Variants in ZNRF3 observed in about 807,000 individuals in gnomAD.
ZNRF3 encodes E3 ubiquitin-protein ligase ZNRF3.
In ZNRF3, 23 loss-of-function variants were observed where a neutral mutation model predicts 72.5. The observed-to-expected ratio is 0.32, with a 90% CI of 0.23 to 0.45. The LOEUF (loss-of-function observed/expected upper bound fraction) is 0.45. ZNRF3 is among the 20% of genes least tolerant of loss of function. ZNRF3 has a pLI of 1.00. For synonymous variants in ZNRF3, 610 were observed against 545.3 expected (o/e 1.12, Z -1.65); for missense variants, 1,169 against 1,272.1 (o/e 0.92, Z 1.23).
At chr22:28,949,940 T>A (rs2035127546) in intron 1 of ZNRF3, among the ~76,000 whole-genome samples, 1 of 141,116 alleles carries the variant, frequency 7.1e-6, no homozygotes, top group Non-Finnish European at 1.5e-5. Flanking sequence ...TTATGCGTAT[T>A]TAACCATTTC....
chr22:29,031,814 C>G (rs2036764541), intron 2 of ZNRF3, among the ~76,000 whole-genome samples: 1 of 152,196 alleles, frequency 6.6e-6, no homozygotes, highest in Non-Finnish European at 1.5e-5. Flanking sequence ...CCCTCCCTGA[C>G]CACAGGAGCA....
rs773296494 is a variant in ZNRF3, at chr22:29,001,059, C to CTTTT, written c.426+13882_426+13885dup. Among the ~76,000 whole-genome samples the CTTTT allele has an allele frequency of 8.3e-4, 65 of 77,898 alleles. 8 individuals are homozygous for CTTTT. Among genetic ancestry groups the CTTTT allele is most frequent in the Non-Finnish European group, 1.1e-3 (43 of 38,936 alleles). The allele number at this position is 77,898 out of a possible 152,430, so 51.1% of individuals were successfully genotyped here. On this transcript the variant is annotated intron_variant, in intron 2 of 8. Coordinates refer to ENST00000544604, the MANE Select transcript of ZNRF3 (RefSeq NM_001206998.2). ...CTGCCTTGGCCTCCCAAAGCTTTGC[C>CTTTT]TTTTTTTTTTTTTTTTTTTTTTTTT... is the stretch of plus-strand genomic sequence containing the variant.
chr22:28,885,203 C>T (rs545436851), intron 1 of ZNRF3, among the ~76,000 whole-genome samples: 2 of 152,192 alleles, frequency 1.3e-5, no homozygotes, highest in Non-Finnish European at 2.9e-5. Context: ...CCTTTTCCTT[C>T]CTTGGGTGCA....
intron 1 of ZNRF3, among the ~76,000 whole-genome samples, chr22:28,971,562 G>T (rs993552775): frequency 2.0e-5 from 3 of 152,302 alleles, no homozygotes; most frequent in Admixed American, 2.0e-4. Context: ...GATGTAAGAC[G>T]TGTGTTTATT....
chr22:29,052,902 G>A (rs1226225991), intron 8 of ZNRF3, among the ~76,000 whole-genome samples: 1 of 152,140 alleles, frequency 6.6e-6, no homozygotes. Context: ...GAGCCCAAGA[G>A]ATTGAGGCTG....
intron 1 of ZNRF3, among the ~76,000 whole-genome samples, chr22:28,912,354 T>C (rs2123761627): frequency 1.3e-5 from 2 of 152,328 alleles, no homozygotes; most frequent in East Asian, 3.9e-4. Context: ...CTTCTCATAG[T>C]ATCAGCTCCT....
At chr22:28,900,609 A>G (rs2034083858) in intron 1 of ZNRF3, among the ~76,000 whole-genome samples, 1 of 152,200 alleles carries the variant, frequency 6.6e-6, no homozygotes, top group South Asian at 2.1e-4. Context: ...GTCCAGGTTC[A>G]ACAGCTCAGG....
chr22:28,935,490 G>A (rs1045899622), intron 1 of ZNRF3, among the ~76,000 whole-genome samples: 3 of 152,102 alleles, frequency 2.0e-5, no homozygotes, highest in Admixed American at 6.5e-5. Context: ...CTCTCATTCC[G>A]GGTTCTTTGC....
At position 28,884,032 on chromosome 22, in the gene ZNRF3, G is replaced by A; in HGVS notation, c.266G>A (p.Gly89Glu). 7.7e-7 allele frequency: 1 copy of A among 1,303,768 alleles called. No homozygotes were observed. Among genetic ancestry groups the A allele is most frequent in the Non-Finnish European group, 9.9e-7 (1 of 1,007,648 alleles). 80.8% of individuals were successfully genotyped at this position (1,303,768 alleles called of 1,614,324 possible). The part of the protein sequence containing the change: ...TGLTGRFSRA[G>E]ATLSAEGEIV... ...CTCACGGGCCGCTTCTCGCGGGCCG[G>A]GGCCACGCTCAGCGCCGAGGGCGAG... The change falls in exon 1 of 9, where the codon GGG (glycine) becomes GAG (glutamate). Residue 89 changes from glycine (G) to glutamate (E), a missense_variant. Transcript: ENST00000544604.
At chr22:28,948,375 A>G (rs1043947387) in intron 1 of ZNRF3, among the ~76,000 whole-genome samples, 1 of 149,140 alleles carries the variant, frequency 6.7e-6, no homozygotes. Flanking sequence ...TTTGCTGCCT[A>G]GGGTGGTCTC....
chr22:28,904,441 C>T (rs776355162), intron 1 of ZNRF3, among the ~76,000 whole-genome samples: 3 of 152,338 alleles, frequency 2.0e-5, no homozygotes, highest in Non-Finnish European at 4.4e-5. Context: ...GGAGCTGAGC[C>T]TTCGCTCCTC....
intron 8 of ZNRF3, among the ~76,000 whole-genome samples, chr22:29,053,126 C>T (rs1290878434): frequency 1.3e-5 from 2 of 152,188 alleles, no homozygotes; most frequent in African/African-American, 4.8e-5. Context: ...TTCCAGCCCC[C>T]AGACCTGTCC....
chr22:28,997,094 G>A (rs1342913358), intron 2 of ZNRF3, among the ~76,000 whole-genome samples: 1 of 152,160 alleles, frequency 6.6e-6, no homozygotes, highest in Non-Finnish European at 1.5e-5. Context: ...CTGATTTGCT[G>A]TGGGAAGGGG....
At chr22:28,889,811 T>C (rs895914166) in intron 1 of ZNRF3, among the ~76,000 whole-genome samples, 3 of 152,204 alleles carry the variant, frequency 2.0e-5, no homozygotes, top group African/African-American at 7.2e-5. Context: ...AAGCAGAGTA[T>C]AGTTCCGTTT....
Position 29,046,766 on chromosome 22 carries a change from A to G in ZNRF3, c.795A>G (p.Arg265=). ...AVQALEKMET[R]KFNSKSKGRR... ...AGGCTCTAGAGAAGATGGAAACCAG[A>G]AAGTTCAACTCCAAGAGCAAGGGGC... The change falls in exon 6 of 9, where the codon AGA becomes AGG. Residue 265 remains arginine (R), a synonymous_variant. Transcript: ENST00000544604. The G allele has an allele frequency of 1.9e-6, 3 of 1,612,172 alleles. No homozygotes were observed. Among genetic ancestry groups the G allele is most frequent in the Non-Finnish European group, 2.5e-6 (3 of 1,179,080 alleles).
At chr22:28,905,922 GTGAA>G (rs1453503395) in intron 1 of ZNRF3, among the ~76,000 whole-genome samples, 3 of 152,230 alleles carry the variant, frequency 2.0e-5, no homozygotes, top group Non-Finnish European at 4.4e-5. Flanking sequence ...CAGCTGGTGA[GTGAA>G]TGGAGAAGCT....
chr22:29,019,565 C>A (rs1238596446), intron 2 of ZNRF3, among the ~76,000 whole-genome samples: 1 of 152,026 alleles, frequency 6.6e-6, no homozygotes, highest in African/African-American at 2.4e-5. Flanking sequence ...TTGATAATAC[C>A]CAGTTCAAAA....
chr22:28,998,747 A>G (rs2036091154), intron 2 of ZNRF3, among the ~76,000 whole-genome samples: 2 of 152,238 alleles, frequency 1.3e-5, no homozygotes, highest in Admixed American at 6.5e-5. Flanking sequence ...ATTTTTAGCT[A>G]TAAAAGGCTA....
intron 1 of ZNRF3, among the ~76,000 whole-genome samples, chr22:28,896,056 T>A (rs2033988674): frequency 6.6e-6 from 1 of 152,032 alleles, no homozygotes; most frequent in African/African-American, 2.4e-5. Flanking sequence ...GTTCAAGCGA[T>A]TCTCCTGCTT....
Sources: allele counts gnomAD v4.1 joint callset (sites outside exome capture counted in the v4.1 genomes callset), GRCh38; gene constraint gnomAD v4.1.1; transcripts MANE v1.5; gene names NCBI Gene and HGNC (gene_info 2026-07-23, HGNC 2026-07-21).